Variants in CAB39 observed in about 807,000 individuals in gnomAD.
The protein encoded by CAB39 is calcium-binding protein 39.
A neutral mutation model predicts 40.0 loss-of-function variants in CAB39; 8 were observed. The observed-to-expected ratio is 0.20, with a 90% CI of 0.12 to 0.36. The LOEUF is 0.36. Ranked by LOEUF, CAB39 falls within the 10% of genes least tolerant of loss-of-function variation. The pLI, the probability that CAB39 is intolerant of heterozygous loss-of-function variation, is 1.00. For missense variants in CAB39, 270 were observed against 401.1 expected (o/e 0.67, Z 2.79); for synonymous variants, 156 against 141.6 (o/e 1.10, Z -0.72).
intron 5 of CAB39, among the ~76,000 whole-genome samples, chr2:230,800,843 TCTGGC>T: frequency 6.6e-6 from 1 of 152,280 alleles, no homozygotes; most frequent in Non-Finnish European, 1.5e-5. Context: ...GTGAGTCTCG[TCTGGC>T]CTGGCTGATA....
chr2:230,732,325 A>G (rs1331883956), intron 1 of CAB39, among the ~76,000 whole-genome samples: 2 of 151,428 alleles, frequency 1.3e-5, no homozygotes, highest in Non-Finnish European at 2.9e-5. Flanking sequence ...CTCGTGATCC[A>G]CCCACCTCGG....
intron 1 of CAB39, among the ~76,000 whole-genome samples, chr2:230,739,586 C>T (rs1157419614): frequency 2.0e-5 from 3 of 152,214 alleles, no homozygotes; most frequent in Non-Finnish European, 4.4e-5. Flanking sequence ...CCTCCGCCTC[C>T]CGGGTTCAAG....
At chr2:230,733,715 T>C (rs1462025867) in intron 1 of CAB39, among the ~76,000 whole-genome samples, 1 of 152,192 alleles carries the variant, frequency 6.6e-6, no homozygotes, top group Non-Finnish European at 1.5e-5. Context: ...GTAGCAGTAT[T>C]CCTATACTTA....
intron 1 of CAB39, among the ~76,000 whole-genome samples, chr2:230,728,134 CG>C (rs923839070): frequency 4.6e-5 from 7 of 151,934 alleles, no homozygotes; most frequent in African/African-American, 1.5e-4. Context: ...AGCTACTCGG[CG>C]GCTGAGACAG....
At chr2:230,762,156 C>T (rs1184841915) in intron 2 of CAB39, among the ~76,000 whole-genome samples, 1 of 152,092 alleles carries the variant, frequency 6.6e-6, no homozygotes, top group Non-Finnish European at 1.5e-5. Flanking sequence ...GATCCACCAG[C>T]CTCAGCCTCC....
chr2:230,781,255 G>A (rs1695681749), intron 2 of CAB39, among the ~76,000 whole-genome samples: 1 of 152,138 alleles, frequency 6.6e-6, no homozygotes, highest in African/African-American at 2.4e-5. Flanking sequence ...AGTGAAGCTA[G>A]ATGTTCAGAT....
chr2:230,785,470 A>G (rs1202609793), intron 2 of CAB39, among the ~76,000 whole-genome samples: 1 of 151,998 alleles, frequency 6.6e-6, no homozygotes, highest in Middle Eastern at 3.2e-3. Context: ...TTTAAAACTG[A>G]TAGGAAGAAA....
intron 1 of CAB39, among the ~76,000 whole-genome samples, chr2:230,734,677 A>G (rs1694753853): frequency 6.6e-6 from 1 of 151,964 alleles, no homozygotes; most frequent in South Asian, 2.1e-4. Flanking sequence ...CATTCCTGTT[A>G]TTTTGTCCTT....
At position 230,748,824 on chromosome 2, in the gene CAB39, AAAAAAAAATAT is replaced by A. The variant is rs1445056636; in HGVS notation, c.-43-11133_-43-11123del. Among the ~76,000 whole-genome samples, 90 of 72,354 alleles carry A rather than the reference AAAAAAAAATAT, an allele frequency of 1.2e-3. 1 individual carries two copies. Among genetic ancestry groups the A allele is most frequent in the Non-Finnish European group, 2.2e-3 (82 of 38,114 alleles). The allele number at this position is 72,354 out of a possible 152,430, so 47.5% of individuals were successfully genotyped here. Reference sequence around the variant, plus strand: ...TCTATTTCCAAAAAGAAAAAAAAAAAAAAAAAAATATATATATATATATATATATATATATA... The same window carrying A: ...TCTATTTCCAAAAAGAAAAAAAAAAAATATATATATATATATATATATATA... On this transcript the variant is annotated intron_variant, in intron 1 of 8. Transcript: ENST00000258418.
rs916160485 is a variant in CAB39, at chr2:230,719,653, C to T, written c.-44+6423C>T. Among the ~76,000 whole-genome samples the T allele has an allele frequency of 4.6e-5, 7 of 152,178 alleles. No homozygotes were observed. In the East Asian group the frequency reaches 7.7e-4, roughly 17 times the overall value. Reference sequence around the variant, plus strand: ...GTGGGAAACACAGAAGCCTGGGAATCGAAAGATCTGGGCTGGGTCCTGACT... The same window carrying T: ...GTGGGAAACACAGAAGCCTGGGAATTGAAAGATCTGGGCTGGGTCCTGACT... On this transcript the variant is annotated intron_variant, in intron 1 of 8. Transcript: ENST00000258418.
intron 5 of CAB39, among the ~76,000 whole-genome samples, chr2:230,803,161 A>G (rs1427277872): frequency 6.6e-6 from 1 of 152,240 alleles, no homozygotes; most frequent in African/African-American, 2.4e-5. Context: ...AAACCATGTG[A>G]TTATCTCAAT....
intron 1 of CAB39, among the ~76,000 whole-genome samples, chr2:230,754,305 T>TTTCTTCCTTCTTTCTTCTTTCTTCC (rs1575922546): frequency 7.0e-6 from 1 of 142,456 alleles, no homozygotes; most frequent in East Asian, 2.0e-4. Context: ...TTCTTTCTTC[T>TTTCTTCCTTCTTTCTTCTTTCTTCC]TTCTTCCTTC....
intron 1 of CAB39, among the ~76,000 whole-genome samples, chr2:230,716,171 C>T (rs189321618): frequency 2.0e-4 from 31 of 152,224 alleles, no homozygotes; most frequent in Non-Finnish European, 3.8e-4. Flanking sequence ...AGGCTGTATA[C>T]GTTTCCTAAA....
intron 1 of CAB39, among the ~76,000 whole-genome samples, chr2:230,757,110 C>T (rs527582120): frequency 6.6e-6 from 1 of 151,706 alleles, no homozygotes; most frequent in South Asian, 2.1e-4. Context: ...GTTTCTTTTC[C>T]TCCTTATTTA....
At chr2:230,748,867 T>TATATATATATATATAA (rs1285999189) in intron 1 of CAB39, among the ~76,000 whole-genome samples, 10 of 109,784 alleles carry the variant, frequency 9.1e-5, no homozygotes, top group Non-Finnish European at 1.5e-4. Context: ...TATATATATA[T>TATATATATATATATAA]AACAAAATGG....
intron 1 of CAB39, among the ~76,000 whole-genome samples, chr2:230,716,650 C>T (rs1694355008): frequency 6.6e-6 from 1 of 152,232 alleles, no homozygotes; most frequent in African/African-American, 2.4e-5. Context: ...CATCCTCCTG[C>T]CCCAGCCTCC....
intron 1 of CAB39, among the ~76,000 whole-genome samples, chr2:230,723,033 G>A (rs1694484414): frequency 6.6e-6 from 1 of 152,012 alleles, no homozygotes; most frequent in African/African-American, 2.4e-5. Flanking sequence ...GAATACTTTA[G>A]CAGCTTTTCA....
chr2:230,734,400 G>T, intron 1 of CAB39, among the ~76,000 whole-genome samples: 1 of 152,120 alleles, frequency 6.6e-6, no homozygotes, highest in East Asian at 1.9e-4. Flanking sequence ...TCAGTGTCTA[G>T]CTTGCCCCTC....
At chr2:230,773,090 G>T (rs1365200973) in intron 2 of CAB39, among the ~76,000 whole-genome samples, 1 of 151,508 alleles carries the variant, frequency 6.6e-6, no homozygotes, top group Non-Finnish European at 1.5e-5. Context: ...CATAGTATAT[G>T]ATTCTATTTG....
Sources: gnomAD v4.1 joint callset for allele counts (sites outside exome capture counted in the v4.1 genomes callset) on GRCh38, gnomAD v4.1.1 for gene constraint, MANE v1.5 for transcripts, NCBI Gene and HGNC (gene_info 2026-07-23, HGNC 2026-07-21) for gene names.